The following ARHGAP26 variants were observed in gnomAD, a reference collection of about 807,000 sequenced individuals.
The protein encoded by ARHGAP26 is rho GTPase-activating protein 26.
A neutral mutation model predicts 104.8 loss-of-function variants in ARHGAP26; 38 were observed. That is an observed-to-expected ratio of 0.36 (90% CI 0.28 to 0.48). ARHGAP26 has a LOEUF of 0.48. ARHGAP26 is among the 20% of genes least tolerant of loss of function. The pLI, the probability that ARHGAP26 is intolerant of heterozygous loss-of-function variation, is 0.99. For missense variants in ARHGAP26, 704 were observed against 947.9 expected (o/e 0.74, Z 3.38); for synonymous variants, 341 against 340.0 (o/e 1.00, Z -0.03).
chr5:142,861,895 C>T (rs1753419011), intron 1 of ARHGAP26, among the ~76,000 whole-genome samples: 2 of 152,082 alleles, frequency 1.3e-5, no homozygotes, highest in Admixed American at 6.5e-5. Flanking sequence ...ATGAAGGCCT[C>T]GATTTACCCA....
intron 9 of ARHGAP26, among the ~76,000 whole-genome samples, chr5:142,911,146 A>G (rs1761776368): frequency 6.6e-6 from 1 of 151,976 alleles, no homozygotes; most frequent in East Asian, 1.9e-4. Context: ...TGCATCCTAC[A>G]CTCTGACCTG....
At chr5:142,986,848 T>C (rs921000219) in intron 11 of ARHGAP26, among the ~76,000 whole-genome samples, 9 of 152,376 alleles carry the variant, frequency 5.9e-5, no homozygotes, top group African/African-American at 2.2e-4. Flanking sequence ...GGCTCTGTTC[T>C]GTTCAATTGG....
At chr5:142,842,995 C>T (rs1213514268) in intron 1 of ARHGAP26, among the ~76,000 whole-genome samples, 1 of 152,146 alleles carries the variant, frequency 6.6e-6, no homozygotes, top group East Asian at 1.9e-4. Flanking sequence ...AAAGGTCCCC[C>T]AAACCTTTGT....
chr5:142,780,482 A>T (rs1476169721), intron 1 of ARHGAP26, among the ~76,000 whole-genome samples: 1 of 152,210 alleles, frequency 6.6e-6, no homozygotes, highest in Non-Finnish European at 1.5e-5. Context: ...TAGGAAGGAA[A>T]CTCACCATTT....
At chr5:143,141,178 C>T (rs1798480524) in intron 19 of ARHGAP26, among the ~76,000 whole-genome samples, 1 of 152,182 alleles carries the variant, frequency 6.6e-6, no homozygotes, top group Non-Finnish European at 1.5e-5. Context: ...CTGAAAACCA[C>T]GTTGATAATG....
intron 6 of ARHGAP26, among the ~76,000 whole-genome samples, chr5:142,896,604 T>TC (rs1183158600): frequency 2.6e-5 from 4 of 152,212 alleles, no homozygotes; most frequent in African/African-American, 7.2e-5. Flanking sequence ...CTTCCTTCCT[T>TC]CTTTCTTGAG....
chr5:143,173,151 T>C (rs1222378563), intron 20 of ARHGAP26: 1 of 167,094 alleles, frequency 6.0e-6, no homozygotes, highest in Non-Finnish European at 1.3e-5. Context: ...CTGGGCTGCA[T>C]CTTGGTAAGT....
At chr5:142,945,173 A>C (rs571692254) in intron 11 of ARHGAP26, among the ~76,000 whole-genome samples, 1 of 152,332 alleles carries the variant, frequency 6.6e-6, no homozygotes, top group African/African-American at 2.4e-5. Context: ...TCAAGGAGCC[A>C]CAGGAGCTAC....
At chr5:143,173,433 C>T (rs1466149126) in intron 20 of ARHGAP26, among the ~76,000 whole-genome samples, 1 of 152,188 alleles carries the variant, frequency 6.6e-6, no homozygotes, top group East Asian at 1.9e-4. Flanking sequence ...AAAATCACCA[C>T]AGGCCAGAAT....
intron 20 of ARHGAP26, among the ~76,000 whole-genome samples, chr5:143,187,663 G>A (rs1158303449): frequency 6.6e-6 from 1 of 152,230 alleles, no homozygotes; most frequent in Non-Finnish European, 1.5e-5. Flanking sequence ...GTCAGGCGGA[G>A]CACCAGCACT....
chr5:142,815,274 T>C (rs1019943053), intron 1 of ARHGAP26, among the ~76,000 whole-genome samples: 3 of 152,192 alleles, frequency 2.0e-5, no homozygotes, highest in African/African-American at 7.2e-5. Context: ...CTCCTGACCT[T>C]AGGTGATCTG....
chr5:142,970,988 T>G (rs1219295349), intron 11 of ARHGAP26, among the ~76,000 whole-genome samples: 2 of 152,248 alleles, frequency 1.3e-5, no homozygotes, highest in Non-Finnish European at 2.9e-5. Context: ...GTTTAAATTC[T>G]GGTTTCAATC....
At chr5:143,097,861 T>A (rs1792637748) in intron 17 of ARHGAP26, among the ~76,000 whole-genome samples, 1 of 151,048 alleles carries the variant, frequency 6.6e-6, no homozygotes, top group African/African-American at 2.4e-5. Flanking sequence ...CGCAACCTAC[T>A]GATGTCTAAG....
At chr5:143,063,841 C>T (rs1486686663) in intron 17 of ARHGAP26, among the ~76,000 whole-genome samples, 6 of 152,180 alleles carry the variant, frequency 3.9e-5, no homozygotes, top group African/African-American at 1.4e-4. Context: ...GCTCCCACAG[C>T]CTTTGCTTGT....
chr5:143,000,475 T>A (rs1777036384), intron 11 of ARHGAP26, among the ~76,000 whole-genome samples: 1 of 152,240 alleles, frequency 6.6e-6, no homozygotes, highest in Admixed American at 6.5e-5. Flanking sequence ...CACCACAACA[T>A]GGATGAATAT....
intron 11 of ARHGAP26, among the ~76,000 whole-genome samples, chr5:142,990,307 G>A (rs905836694): frequency 4.6e-5 from 7 of 152,060 alleles, no homozygotes; most frequent in Non-Finnish European, 5.9e-5. Context: ...AGCTCCATCC[G>A]GTCATTTAAG....
intron 1 of ARHGAP26, among the ~76,000 whole-genome samples, chr5:142,792,797 A>G (rs983927500): frequency 2.6e-5 from 4 of 152,198 alleles, no homozygotes; most frequent in African/African-American, 9.7e-5. Flanking sequence ...TGTTTCCCTG[A>G]TGTGCCCTAT....
At chr5:142,796,410 A>G (rs553969584) in intron 1 of ARHGAP26, among the ~76,000 whole-genome samples, 2 of 152,322 alleles carry the variant, frequency 1.3e-5, no homozygotes, top group Admixed American at 6.5e-5. Context: ...TAAAGTTCCT[A>G]CTAGTTCTGT....
At chr5:142,993,158 G>T (rs1291852064) in intron 11 of ARHGAP26, among the ~76,000 whole-genome samples, 44 of 102,628 alleles carry the variant, frequency 4.3e-4, no homozygotes, top group South Asian at 1.7e-3. Flanking sequence ...TTTTTGTGTG[G>T]TTTTTTTTTT....
Sources: gnomAD v4.1 joint callset for allele counts (sites outside exome capture counted in the v4.1 genomes callset) on GRCh38, gnomAD v4.1.1 for gene constraint, MANE v1.5 for transcripts, NCBI Gene and HGNC (gene_info 2026-07-23, HGNC 2026-07-21) for gene names.